TBC1D5: variants seen among roughly 807,000 people sequenced by gnomAD.
TBC1D5 encodes the protein TBC1 domain family, member 5.
Under a neutral mutation model 100.3 loss-of-function variants are expected in TBC1D5, and 75 were observed. The observed-to-expected ratio is 0.75, with a 90% confidence interval of 0.62 to 0.91. The LOEUF is 0.91. Among genes scored for constraint, TBC1D5 ranks in the 40% least tolerant of loss-of-function variants. TBC1D5 has a pLI of 0.00. For synonymous variants in TBC1D5, 323 were observed against 325.6 expected, an observed-to-expected ratio of 0.99 and a Z score of 0.09; for missense variants, 910 against 942.4, an observed-to-expected ratio of 0.97 and a Z score of 0.45.
At chr3:17,511,879 G>C (rs747032378) in intron 2 of TBC1D5, among the ~76,000 whole-genome samples, 1 of 151,980 alleles carries the variant, frequency 6.6e-6, no homozygotes, top group Non-Finnish European at 1.5e-5. Context: ...CAGCTAACTA[G>C]TAATAATGAG....
At chr3:17,572,608 T>G (rs558731875) in intron 2 of TBC1D5, among the ~76,000 whole-genome samples, 3 of 152,178 alleles carry the variant, frequency 2.0e-5, no homozygotes, top group African/African-American at 7.2e-5. Flanking sequence ...TCATGTCCCA[T>G]TTATATATCA....
intron 16 of TBC1D5, among the ~76,000 whole-genome samples, chr3:17,257,349 G>A (rs1394612826): frequency 6.6e-6 from 1 of 152,174 alleles, no homozygotes; most frequent in Admixed American, 6.5e-5. Context: ...ATTTTGGTCT[G>A]GGTTTTTACT....
intron 13 of TBC1D5, among the ~76,000 whole-genome samples, chr3:17,324,873 A>G (rs2085891069): frequency 6.6e-6 from 1 of 152,208 alleles, no homozygotes; most frequent in South Asian, 2.1e-4. Flanking sequence ...TATCAGGAAA[A>G]TGCAAAAAAC....
intron 19 of TBC1D5, 43 bp downstream of exon 20, chr3:17,185,066 G>A (rs748917100): frequency 1.7e-5 from 27 of 1,560,086 alleles, no homozygotes; most frequent in Non-Finnish European, 2.1e-5. Context: ...GGCTATTATT[G>A]TGATGAGTCT....
exon 8 of TBC1D5, chr3:17,403,181 G>A (rs553620276): frequency 1.0e-4 from 163 of 1,581,174 alleles, no homozygotes; most frequent in Admixed American, 6.0e-4. Flanking sequence ...TTCTACATAC[G>A]TTCTTTTGAC....
intron 2 of TBC1D5, among the ~76,000 whole-genome samples, chr3:17,519,294 A>T (rs1388266942): frequency 1.3e-5 from 2 of 152,218 alleles, no homozygotes; most frequent in African/African-American, 4.8e-5. Flanking sequence ...ACTTTTAAGT[A>T]AAGGAGGGCA....
chr3:17,326,212 A>C (rs1369972912), intron 13 of TBC1D5, among the ~76,000 whole-genome samples: 1 of 152,198 alleles, frequency 6.6e-6, no homozygotes. Flanking sequence ...GAAATAACTA[A>C]TCAAAGAGAG....
Position 17,514,676 on chromosome 3 carries a change from C to T in TBC1D5, c.-35-6071G>A, listed in dbSNP as rs1463025522. 2.6e-5 allele frequency among the ~76,000 whole-genome samples: 4 copies of T among 152,064 alleles called. No individual in the cohort carries two copies. The East Asian group carries it at 7.7e-4, about 29-fold the overall frequency. ...TATTACAAACTAAGAATGTATTTTG[C>T]CTTTCAATATTAAAATGCTATAAAG... On this transcript the variant is annotated intron_variant, in intron 2 of 21. Transcript: ENST00000253692.
chr3:17,705,828 T>C (rs1405851670), intron 1 of TBC1D5, among the ~76,000 whole-genome samples: 1 of 149,818 alleles, frequency 6.7e-6, no homozygotes, highest in African/African-American at 2.5e-5. Context: ...GAGACACTCC[T>C]CACTTCCCAG....
intron 16 of TBC1D5, among the ~76,000 whole-genome samples, chr3:17,257,738 T>A (rs2077849926): frequency 6.6e-6 from 1 of 152,222 alleles, no homozygotes; most frequent in Admixed American, 6.5e-5. Flanking sequence ...ACACATTGTG[T>A]ATATGTATTC....
intron 13 of TBC1D5, among the ~76,000 whole-genome samples, chr3:17,331,306 T>C (rs1426743014): frequency 6.6e-6 from 1 of 152,174 alleles, no homozygotes; most frequent in African/African-American, 2.4e-5. Flanking sequence ...CTCCATTTTC[T>C]CTCCAATAAT....
chr3:17,650,679 C>T (rs1310967417), intron 1 of TBC1D5, among the ~76,000 whole-genome samples: 2 of 152,090 alleles, frequency 1.3e-5, no homozygotes, highest in Non-Finnish European at 2.9e-5. Flanking sequence ...GAAAGTATTC[C>T]CCTTCCTACA....
At chr3:17,396,440 TC>T (rs2093506526) in intron 8 of TBC1D5, among the ~76,000 whole-genome samples, 1 of 152,038 alleles carries the variant, frequency 6.6e-6, no homozygotes, top group African/African-American at 2.4e-5. Flanking sequence ...GTTTTTTATT[TC>T]AATAAAAAAT....
intron 2 of TBC1D5, among the ~76,000 whole-genome samples, chr3:17,515,467 A>G (rs567738039): frequency 6.6e-6 from 1 of 152,312 alleles, no homozygotes. Context: ...TATACATATT[A>G]ACTTATTTAA....
At chr3:17,667,224 C>G (rs2067362722) in intron 1 of TBC1D5, among the ~76,000 whole-genome samples, 1 of 152,082 alleles carries the variant, frequency 6.6e-6, no homozygotes, top group Admixed American at 6.5e-5. Flanking sequence ...ATATAAAGCA[C>G]TAAGCAGCAA....
chr3:17,643,677 C>T (rs1433781244), intron 1 of TBC1D5, among the ~76,000 whole-genome samples: 1 of 152,040 alleles, frequency 6.6e-6, no homozygotes, highest in African/African-American at 2.4e-5. Flanking sequence ...TAGTGGACAA[C>T]AGTATTTCAT....
At chr3:17,508,595 A>G (rs1188480520) in exon 3 of TBC1D5, 1 of 1,537,864 alleles carries the variant, frequency 6.5e-7, no homozygotes. Context: ...AGCGTCACCA[A>G]AAGTAACTAC....
intron 1 of TBC1D5, among the ~76,000 whole-genome samples, chr3:17,726,028 G>C (rs1320416193): frequency 6.6e-6 from 1 of 152,110 alleles, no homozygotes; most frequent in Admixed American, 6.5e-5. Context: ...CACCCATGTT[G>C]TTACAACGGA....
At chr3:17,307,304 A>G (rs74661491) in intron 14 of TBC1D5, among the ~76,000 whole-genome samples, 2,853 of 152,312 alleles carry the variant, frequency 0.019, 86 homozygotes, top group African/African-American at 0.065. Flanking sequence ...AACAAGTTCT[A>G]TTGTGTGAAC....
Sources: allele counts gnomAD v4.1 joint callset (sites outside exome capture counted in the v4.1 genomes callset), GRCh38; gene constraint gnomAD v4.1.1; transcripts MANE v1.5; gene names NCBI Gene and HGNC (gene_info 2026-07-23, HGNC 2026-07-21).